SUCLG1: variants seen among roughly 807,000 people sequenced by gnomAD.
The protein encoded by SUCLG1 is succinate--CoA ligase [ADP/GDP-forming] subunit alpha, mitochondrial.
A neutral mutation model predicts 37.3 loss-of-function variants in SUCLG1; 26 were observed. The ratio of observed to expected loss-of-function variants is 0.70; its 90% CI spans 0.51 to 0.97. The LOEUF (loss-of-function observed/expected upper bound fraction) is 0.97, where lower values mean the gene tolerates loss of function less well. SUCLG1 is among the 50% of genes least tolerant of loss of function. The probability of loss-of-function intolerance (pLI) is 0.00; values close to 1 mark genes in which losing one functional copy is unlikely to be tolerated. For missense variants in SUCLG1, 433 were observed against 432.9 expected, an observed-to-expected ratio of 1.00 and a Z score of 0.00; for synonymous variants, 163 against 155.6, an observed-to-expected ratio of 1.05 and a Z score of -0.36.
chr2:84,434,761 G>A (rs373289784), intron 5 of SUCLG1, among the ~76,000 whole-genome samples: 4 of 152,040 alleles, frequency 2.6e-5, no homozygotes, highest in Non-Finnish European at 5.9e-5. Flanking sequence ...CTCAACTTCC[G>A]TGCTACATGT....
At chr2:84,423,849 A>G (rs1402297521) in intron 8 of SUCLG1, 77 bp from the exon 9 acceptor site, 1 of 1,448,708 alleles carries the variant, frequency 6.9e-7, no homozygotes, top group African/African-American at 1.4e-5. Flanking sequence ...TAGGATCAAA[A>G]TGATTTTGAA....
In SUCLG1 at chr2:84,433,423, C is replaced by A; in HGVS notation, c.602G>T (p.Arg201Ile). The change falls in exon 6 of 9, where the codon AGA becomes ATA. Residue 201 changes from arginine to isoleucine, a missense_variant. Transcript: ENST00000393868. ...TGCTTCATAAGTCAGGGTGCCAGAT[C>A]TGGACACAATGCCTTAACGAAAGAG... is the stretch of plus-strand genomic sequence containing the variant. ...HKKGRIGIVS[R>I]SGTLTYEAVH... 1 of 1,613,806 alleles carries A rather than the reference C, an allele frequency of 6.2e-7. No homozygotes were observed.
intron 1 of SUCLG1, among the ~76,000 whole-genome samples, 157 bp downstream of exon 1, chr2:84,459,016 C>G (rs942385065): frequency 1.3e-5 from 2 of 152,230 alleles, no homozygotes; most frequent in Admixed American, 1.3e-4. Context: ...CTCCTTCCAC[C>G]GTAGGGGTCC....
At chr2:84,433,025 A>G (rs370392394) in intron 6 of SUCLG1, among the ~76,000 whole-genome samples, 14 of 152,198 alleles carry the variant, frequency 9.2e-5, no homozygotes, top group African/African-American at 3.1e-4. Flanking sequence ...ACTGATGAAC[A>G]TAATGGCAAT....
At chr2:84,428,556 C>CA (rs1442234013) in intron 7 of SUCLG1, among the ~76,000 whole-genome samples, 1 of 152,134 alleles carries the variant, frequency 6.6e-6, no homozygotes. Context: ...CCCTGTTCCC[C>CA]AAAAAGTGGG....
At chr2:84,428,951 C>A (rs1476882644) in intron 7 of SUCLG1, among the ~76,000 whole-genome samples, 1 of 152,204 alleles carries the variant, frequency 6.6e-6, no homozygotes, top group Non-Finnish European at 1.5e-5. Flanking sequence ...AGTTACTAAT[C>A]TTCCTGTACC....
intron 1 of SUCLG1, chr2:84,458,518 C>T (rs1172468778): frequency 6.6e-6 from 1 of 152,164 alleles, no homozygotes; most frequent in Non-Finnish European, 1.5e-5. Flanking sequence ...CAAAGACTAG[C>T]AACCTTGGGT....
rs780646655 is a variant in SUCLG1 at position 84,425,605 on chromosome 2, TAGAA to T, written c.826-6_826-3del. 3 of 1,614,014 alleles carry T rather than the reference TAGAA, an allele frequency of 1.9e-6. No homozygotes were observed. The highest frequency in any genetic ancestry group is 2.7e-5 in the African/African-American group (2 of 74,924). On this transcript the variant is annotated splice_polypyrimidine_tract_variant and splice_region_variant and intron_variant, in intron 7 of 8. Transcript: ENST00000393868. ...CACTACAGGCTTGGAATTTGGACCCTAGAAAGAAAGTAATATTTTAAATGCTCTA... is the reference window on the plus strand; with the variant it reads ...CACTACAGGCTTGGAATTTGGACCCTAGAAAGTAATATTTTAAATGCTCTA...
chr2:84,440,189 AC>A (rs1320795784), intron 5 of SUCLG1, among the ~76,000 whole-genome samples: 1 of 152,200 alleles, frequency 6.6e-6, no homozygotes, highest in African/African-American at 2.4e-5. Flanking sequence ...AGCCTGACCA[AC>A]ATGGAGAAAC....
chr2:84,440,363 ACT>A lies in SUCLG1; in HGVS notation c.589+682_589+683del, dbSNP rs1315824564. On this transcript the variant is annotated intron_variant, in intron 5 of 8. Coordinates refer to ENST00000393868, the MANE Select transcript of SUCLG1 (RefSeq NM_003849.4). ...ACTCCAGCCTGGGCGACAGAGCAAAACTCTGTCTCAAAAAAATGAAGACTAAC... is the reference window on the plus strand; with the variant it reads ...ACTCCAGCCTGGGCGACAGAGCAAAACTGTCTCAAAAAAATGAAGACTAAC... 4.6e-5 allele frequency among the ~76,000 whole-genome samples: 7 copies of A among 152,124 alleles called. No homozygotes were observed. The East Asian group carries it at 1.4e-3, about 29-fold the overall frequency.
intron 5 of SUCLG1, chr2:84,433,639 A>G: frequency 1.7e-6 from 1 of 592,074 alleles, no homozygotes; most frequent in Non-Finnish European, 3.0e-6. Flanking sequence ...TAATTTAGAC[A>G]AAGGAGAAAG....
intron 3 of SUCLG1, 58 bp from the exon 4 acceptor site, chr2:84,441,517 A>C: frequency 6.6e-7 from 1 of 1,525,902 alleles, no homozygotes; most frequent in Non-Finnish European, 9.0e-7. Flanking sequence ...ATTGTAAAAT[A>C]AATTCAATAC....
At chr2:84,433,746 G>A (rs11126963) in intron 5 of SUCLG1, 367,264 of 381,926 alleles carry the variant, frequency 0.96, 176,677 homozygotes, top group East Asian at 1. Flanking sequence ...GCTAGTATCA[G>A]TATAAATTTG....
At chr2:84,450,423 A>C (rs1005531792) in intron 1 of SUCLG1, among the ~76,000 whole-genome samples, 2 of 151,944 alleles carry the variant, frequency 1.3e-5, no homozygotes, top group Admixed American at 6.5e-5. Context: ...AAAAAAAAAA[A>C]AAAAAAACCC....
intron 2 of SUCLG1, 78 bp from the exon 3 acceptor site, chr2:84,443,478 T>C (rs776300211): frequency 4.1e-5 from 51 of 1,229,732 alleles, no homozygotes; most frequent in Non-Finnish European, 6.0e-5. Context: ...TCTTAGCAAC[T>C]TAGGAAAAGA....
chr2:84,432,442 T>C (rs1008082251), intron 6 of SUCLG1: 4 of 152,230 alleles, frequency 2.6e-5, no homozygotes, highest in Non-Finnish European at 4.4e-5. Flanking sequence ...GTTAGATCTG[T>C]CATTTCCTAA....
chr2:84,439,574 A>G (rs1672737140), intron 5 of SUCLG1, among the ~76,000 whole-genome samples: 1 of 152,344 alleles, frequency 6.6e-6, no homozygotes, highest in South Asian at 2.1e-4. Flanking sequence ...AGCAGGGCTG[A>G]CAGCTCCAAG....
At chr2:84,448,158 TCA>T (rs1468201248) in intron 2 of SUCLG1, among the ~76,000 whole-genome samples, 1 of 126,886 alleles carries the variant, frequency 7.9e-6, no homozygotes, top group African/African-American at 3.0e-5. Context: ...ATTCGTGTGC[TCA>T]GTTATTTCAG....
chr2:84,449,697 A>G lies in SUCLG1; in HGVS notation c.153T>C (p.Tyr51=), dbSNP rs1404476699. ...CSYTASRQHL[Y]VDKNTKIICQ... is the part of the protein sequence containing the mutation. ...AAATAATCTTTGTATTTTTATCAAC[A>G]TAGAGATGTTGCCGAGAAGCTGTGT... The change falls in exon 2 of 9, where the codon TAT becomes TAC. Residue 51 remains tyrosine (Y), a synonymous_variant. Transcript: ENST00000393868. 1 of 1,606,886 alleles carries G rather than the reference A, an allele frequency of 6.2e-7. No homozygotes were observed. The highest frequency in any genetic ancestry group is 1.3e-5 in the African/African-American group (1 of 74,556).
Sources: gnomAD v4.1 joint callset for allele counts (sites outside exome capture counted in the v4.1 genomes callset) on GRCh38, gnomAD v4.1.1 for gene constraint, MANE v1.5 for transcripts, NCBI Gene and HGNC (gene_info 2026-07-23, HGNC 2026-07-21) for gene names.